SGCD: variants seen among roughly 807,000 people sequenced by gnomAD.
SGCD encodes delta-sarcoglycan.
SGCD carries 18 observed loss-of-function variants against 36.6 expected under a neutral mutation model. That is an observed-to-expected ratio of 0.49 (90% confidence interval 0.34 to 0.73). The LOEUF is 0.73. Ranked by LOEUF, SGCD falls within the 30% of genes least tolerant of loss-of-function variation. SGCD has a pLI of 0.01. For synonymous variants in SGCD, 133 were observed against 130.6 expected (o/e 1.02, Z -0.12); for missense variants, 387 against 346.7 (o/e 1.12, Z -0.92).
At chr5:155,730,445 C>CTGTGTGTGTGTGTGTG in the SGCD span, among the ~76,000 whole-genome samples, 6,399 of 137,168 alleles carry the variant, frequency 0.047, 260 homozygotes, top group African/African-American at 0.087. Context: ...GGTAGAGCAG[C>CTGTGTGTGTGTGTGTG]TGTGTGTGTG....
At chr5:156,734,210 A>G (rs983705879) in intron 7 of SGCD, among the ~76,000 whole-genome samples, 1 of 152,132 alleles carries the variant, frequency 6.6e-6, no homozygotes, top group Non-Finnish European at 1.5e-5. Context: ...ACTGTCCCCC[A>G]ATCTCTTCTG....
At chr5:156,150,320 C>T (rs922049966) in intron 3 of SGCD, among the ~76,000 whole-genome samples, 3 of 151,586 alleles carry the variant, frequency 2.0e-5, no homozygotes, top group African/African-American at 7.3e-5. Flanking sequence ...AAATGCCTTC[C>T]AAGGCTCAGC....
chr5:156,368,335 C>A (rs1770214205), intron 3 of SGCD, among the ~76,000 whole-genome samples: 1 of 152,108 alleles, frequency 6.6e-6, no homozygotes, highest in Non-Finnish European at 1.5e-5. Flanking sequence ...ACATGATCCA[C>A]CCACCTCGGC....
intron 4 of SGCD, among the ~76,000 whole-genome samples, chr5:156,553,708 G>T (rs1758887587): frequency 6.6e-6 from 1 of 152,092 alleles, no homozygotes; most frequent in African/African-American, 2.4e-5. Context: ...GAATTACATA[G>T]TACATGACCT....
chr5:156,584,506 G>A (rs968745829), intron 4 of SGCD, among the ~76,000 whole-genome samples: 5 of 152,312 alleles, frequency 3.3e-5, no homozygotes, highest in Middle Eastern at 6.8e-3. Context: ...TTAATAAGGG[G>A]CAGTTGAAAG....
chr5:156,368,612 T>A (rs1442486167), intron 3 of SGCD, among the ~76,000 whole-genome samples: 5 of 152,168 alleles, frequency 3.3e-5, no homozygotes, highest in Admixed American at 6.5e-5. Flanking sequence ...CAAAGCTTCA[T>A]CTGTATTTAC....
At position 156,573,770 on chromosome 5, in the gene SGCD, T is replaced by A. The variant is rs1759815838; in HGVS notation, c.295-15461T>A. ...GTACAGTGGCCTGACCATAGCTCACTGTAACCTCAAACTCCTGGACTCAAG... is the reference window on the plus strand; with the variant it reads ...GTACAGTGGCCTGACCATAGCTCACAGTAACCTCAAACTCCTGGACTCAAG... On this transcript the variant is annotated intron_variant, in intron 4 of 8. Transcript: ENST00000337851. Among the ~76,000 whole-genome samples the A allele has an allele frequency of 5.9e-5, 9 of 152,318 alleles. No individual in the cohort carries two copies. In the South Asian group the frequency reaches 1.9e-3, roughly 32 times the overall value.
intron 3 of SGCD, among the ~76,000 whole-genome samples, chr5:156,147,660 A>G (rs1305070789): frequency 1.3e-5 from 2 of 152,250 alleles, no homozygotes; most frequent in Admixed American, 6.5e-5. Context: ...AAGAAATTAG[A>G]GATGAGAATG....
At chr5:156,522,360 AAAAG>A (rs1007300984) in intron 4 of SGCD, among the ~76,000 whole-genome samples, 1 of 152,146 alleles carries the variant, frequency 6.6e-6, no homozygotes, top group Non-Finnish European at 1.5e-5. Flanking sequence ...AAGATACTAA[AAAAG>A]AAAATGTGGT....
chr5:156,712,706 C>A (rs1466505408), intron 7 of SGCD, among the ~76,000 whole-genome samples: 1 of 152,194 alleles, frequency 6.6e-6, no homozygotes. Flanking sequence ...AAACCCAGGT[C>A]TTTGTGGTAC....
chr5:155,765,830 G>A, the SGCD span, among the ~76,000 whole-genome samples: 2 of 152,116 alleles, frequency 1.3e-5, no homozygotes, highest in African/African-American at 4.8e-5. Flanking sequence ...GAAGTCTTTG[G>A]TGGTACCTCC....
chr5:155,878,273 T>C (rs1311655550), intron 1 of SGCD, among the ~76,000 whole-genome samples: 2 of 152,152 alleles, frequency 1.3e-5, no homozygotes, highest in African/African-American at 4.8e-5. Context: ...GTTCAGTGGC[T>C]TGAATCATAG....
the SGCD span, among the ~76,000 whole-genome samples, chr5:155,748,324 T>TC: frequency 1.2e-4 from 18 of 152,158 alleles, no homozygotes; most frequent in Admixed American, 1.0e-3. Flanking sequence ...TCTGGCCACA[T>TC]TTCTTGATGA....
At chr5:155,875,443 A>G (rs762019714) in intron 1 of SGCD, among the ~76,000 whole-genome samples, 3 of 152,148 alleles carry the variant, frequency 2.0e-5, no homozygotes, top group East Asian at 1.9e-4. Context: ...AATGAAGATG[A>G]TAGACATGAA....
intron 3 of SGCD, among the ~76,000 whole-genome samples, chr5:156,229,255 TACATAC>T (rs1391907535): frequency 2.0e-5 from 2 of 97,796 alleles, no homozygotes; most frequent in African/African-American, 8.0e-5. Context: ...TATATATACA[TACATAC>T]ATATATATAT....
At chr5:155,830,308 A>G in the SGCD span, among the ~76,000 whole-genome samples, 1 of 151,760 alleles carries the variant, frequency 6.6e-6, no homozygotes, top group Non-Finnish European at 1.5e-5. Context: ...TGCAGTGTCC[A>G]CACAAGGTCT....
chr5:155,902,899 C>A (rs959663092), intron 1 of SGCD, among the ~76,000 whole-genome samples: 9 of 152,212 alleles, frequency 5.9e-5, no homozygotes, highest in Non-Finnish European at 1.3e-4. Flanking sequence ...ATTCCACTTA[C>A]TGTTGGTCCA....
chr5:155,894,491 A>G (rs975042922), intron 1 of SGCD, among the ~76,000 whole-genome samples: 3 of 152,142 alleles, frequency 2.0e-5, no homozygotes, highest in Admixed American at 6.5e-5. Context: ...ACTCCCAGTA[A>G]TGGTCTGTGG....
chr5:156,363,315 T>C (rs1769907480), intron 3 of SGCD, among the ~76,000 whole-genome samples: 1 of 152,188 alleles, frequency 6.6e-6, no homozygotes, highest in Non-Finnish European at 1.5e-5. Context: ...TTTCCTTTGA[T>C]TTATGATTTT....
Sources: allele counts gnomAD v4.1 joint callset (sites outside exome capture counted in the v4.1 genomes callset), GRCh38; gene constraint gnomAD v4.1.1; transcripts MANE v1.5; gene names NCBI Gene and HGNC (gene_info 2026-07-23, HGNC 2026-07-21).